Variants in FAM135A observed in about 807,000 individuals in gnomAD.
The protein encoded by FAM135A is protein FAM135A.
In FAM135A, 79 loss-of-function variants were observed where a neutral mutation model predicts 146.8. That is an observed-to-expected ratio of 0.54 (90% CI 0.45 to 0.65). FAM135A has a LOEUF of 0.65. FAM135A is among the 30% of genes least tolerant of loss of function. The pLI, the probability that FAM135A is intolerant of heterozygous loss-of-function variation, is 0.00. For synonymous variants in FAM135A, 562 were observed against 603.6 expected, an observed-to-expected ratio of 0.93 and a Z score of 1.01; for missense variants, 1,623 against 1,758.2, an observed-to-expected ratio of 0.92 and a Z score of 1.38.
At chr6:70,476,873 G>A (rs955531181) in intron 7 of FAM135A, among the ~76,000 whole-genome samples, 3 of 151,866 alleles carry the variant, frequency 2.0e-5, no homozygotes, top group African/African-American at 7.3e-5. Flanking sequence ...TTTAAGATGA[G>A]ATTAATTCCT....
intron 11 of FAM135A, among the ~76,000 whole-genome samples, chr6:70,493,914 A>G (rs1231292434): frequency 6.6e-6 from 1 of 152,090 alleles, no homozygotes; most frequent in East Asian, 1.9e-4. Context: ...TTAGCCGGGC[A>G]TGGTGGCGGG....
rs752938606 is a variant in FAM135A at position 70,447,127 on chromosome 6, T to C, written c.78-5365T>C. 1.1e-4 allele frequency among the ~76,000 whole-genome samples: 17 copies of C among 152,250 alleles called. 1 individual carries two copies. The highest frequency in any genetic ancestry group is 8.5e-4 in the Admixed American group (13 of 15,280). On this transcript the variant is annotated intron_variant, in intron 4 of 21. Coordinates refer to ENST00000418814, the MANE Select transcript of FAM135A (RefSeq NM_001162529.3). Reference sequence around the variant, plus strand: ...GACAGTCAGTGCTGTAGAGAAACGATTGAAATGTCCACTTCTGTGTCTACC... The same window carrying C: ...GACAGTCAGTGCTGTAGAGAAACGACTGAAATGTCCACTTCTGTGTCTACC...
chr6:70,524,689 TA>T lies in FAM135A; in HGVS notation c.1608del (p.Lys536AsnfsTer30). On this transcript the variant is annotated frameshift_variant, in exon 15 of 22. Transcript: ENST00000418814. LOFTEE classifies it high-confidence loss of function. ...LKSTASNDLI[K>X]CFEGNPSHSQ... ...AAAGTACAGCATCAAATGATCTCAT[TA>T]AATGCTTTGAAGGCAATCCTTCACA... The T allele has an allele frequency of 6.4e-7, 1 of 1,550,804 alleles. No homozygotes were observed.
In FAM135A at chr6:70,525,282, G is replaced by C; in HGVS notation, c.2198G>C (p.Arg733Pro). The C allele has an allele frequency of 6.2e-7, 1 of 1,600,542 alleles. No homozygotes were observed. Among genetic ancestry groups the C allele is most frequent in the Non-Finnish European group, 8.5e-7 (1 of 1,174,754 alleles). Residue 733 changes from arginine (R) to proline (P), a missense_variant, in exon 15 of 22, where the codon CGA (arginine) becomes CCA (proline). Coordinates refer to ENST00000418814, the MANE Select transcript of FAM135A (RefSeq NM_001162529.3). ...ATTGGAGAATCATTAACTAAATTACGAAGTAATCTACCTGCCCCTTCTACA... is the reference window on the plus strand; with the variant it reads ...ATTGGAGAATCATTAACTAAATTACCAAGTAATCTACCTGCCCCTTCTACA... ...LSIGESLTKL[R>P]SNLPAPSTKE...
intron 12 of FAM135A, among the ~76,000 whole-genome samples, chr6:70,519,641 C>T (rs1793091046): frequency 6.6e-6 from 1 of 152,176 alleles, no homozygotes; most frequent in African/African-American, 2.4e-5. Flanking sequence ...GCAAAAGTAG[C>T]CGAAGGCTCA....
chr6:70,486,484 G>A (rs76875901), intron 10 of FAM135A, among the ~76,000 whole-genome samples: 3,777 of 152,120 alleles, frequency 0.025, 113 homozygotes, highest in African/African-American at 0.068. Flanking sequence ...AAAACTCACT[G>A]GCTTTTTTCA....
At chr6:70,518,788 C>G (rs1792869357) in intron 12 of FAM135A, among the ~76,000 whole-genome samples, 2 of 152,206 alleles carry the variant, frequency 1.3e-5, no homozygotes, top group Admixed American at 1.3e-4. Context: ...TTGAGACCTA[C>G]AGTTCAGGAA....
intron 12 of FAM135A, among the ~76,000 whole-genome samples, chr6:70,506,838 C>A (rs1340943807): frequency 6.7e-6 from 1 of 148,872 alleles, no homozygotes. Flanking sequence ...ATTATAGTTC[C>A]ATTAAATTGT....
At chr6:70,421,247 A>C (rs1198502436) in intron 2 of FAM135A, among the ~76,000 whole-genome samples, 1 of 152,188 alleles carries the variant, frequency 6.6e-6, no homozygotes, top group Non-Finnish European at 1.5e-5. Flanking sequence ...TCCCATCAAA[A>C]TGATAAAGCT....
rs992522291 is a variant in FAM135A, at chr6:70,560,544, T to C, written c.*623T>C. 1.3e-5 allele frequency: 2 copies of C among 152,606 alleles called. No homozygotes were observed. The highest frequency in any genetic ancestry group is 2.4e-5 in the African/African-American group (1 of 41,470). The allele number at this position is 152,606 out of a possible 1,614,324, so 9.5% of individuals were successfully genotyped here. ...TTCATGCCTATTAAAATATATTTTC[T>C]ACTGGTGATTTCAACATTATTTCTC... On this transcript the variant is annotated 3_prime_UTR_variant, in exon 22 of 22. Transcript: ENST00000418814.
intron 9 of FAM135A, among the ~76,000 whole-genome samples, chr6:70,481,434 A>G (rs1298139506): frequency 6.6e-6 from 1 of 152,252 alleles, no homozygotes; most frequent in East Asian, 1.9e-4. Context: ...GGATTGCTTG[A>G]GGCCAAGAGT....
intron 10 of FAM135A, among the ~76,000 whole-genome samples, chr6:70,489,215 A>G (rs1785345193): frequency 6.6e-6 from 1 of 152,210 alleles, no homozygotes; most frequent in Admixed American, 6.5e-5. Flanking sequence ...ATGTGAAAAC[A>G]GATGGTGGTT....
At chr6:70,554,915 T>A (rs1222544367) in intron 20 of FAM135A, among the ~76,000 whole-genome samples, 2 of 152,144 alleles carry the variant, frequency 1.3e-5, no homozygotes, top group Non-Finnish European at 2.9e-5. Context: ...TGAGCCACCA[T>A]ACCCAGCCAT....
At chr6:70,514,742 T>C (rs1025137931) in intron 12 of FAM135A, among the ~76,000 whole-genome samples, 1 of 152,020 alleles carries the variant, frequency 6.6e-6, no homozygotes, top group African/African-American at 2.4e-5. Flanking sequence ...GACAGATGAG[T>C]TAAAAACTCC....
chr6:70,559,668 T>C, intron 21 of FAM135A, 48 bp from the exon 22 acceptor site: 3 of 1,447,554 alleles, frequency 2.1e-6, no homozygotes, highest in Non-Finnish European at 2.8e-6. Context: ...TTTTTTATTT[T>C]CAGTTACTAT....
At chr6:70,555,938 T>G (rs1424175259) in intron 20 of FAM135A, among the ~76,000 whole-genome samples, 1 of 152,138 alleles carries the variant, frequency 6.6e-6, no homozygotes, top group East Asian at 1.9e-4. Flanking sequence ...TGGCTGTGTG[T>G]GAATCCATAC....
intron 12 of FAM135A, among the ~76,000 whole-genome samples, chr6:70,517,965 C>A (rs1389081147): frequency 6.6e-6 from 1 of 152,096 alleles, no homozygotes; most frequent in Non-Finnish European, 1.5e-5. Context: ...ATGCAATGAT[C>A]TCTAAGTGTT....
At chr6:70,527,486 T>C (rs1185943090) in intron 15 of FAM135A, among the ~76,000 whole-genome samples, 2 of 152,144 alleles carry the variant, frequency 1.3e-5, no homozygotes, top group African/African-American at 4.8e-5. Flanking sequence ...TAAAAAATTG[T>C]GATATGCAGG....
intron 11 of FAM135A, among the ~76,000 whole-genome samples, chr6:70,491,659 T>C (rs1562513393): frequency 2.6e-5 from 4 of 151,886 alleles, no homozygotes; most frequent in African/African-American, 7.2e-5. Context: ...GGATATAAAT[T>C]TGAATGAAGA....
Sources: gnomAD v4.1 joint callset for allele counts (sites outside exome capture counted in the v4.1 genomes callset) on GRCh38, gnomAD v4.1.1 for gene constraint, MANE v1.5 for transcripts, NCBI Gene and HGNC (gene_info 2026-07-23, HGNC 2026-07-21) for gene names.